The following BMERB1 variants were observed in gnomAD, a reference collection of about 807,000 sequenced individuals.
BMERB1 encodes the protein bMERB domain containing 1.
BMERB1 carries 12 observed loss-of-function variants against 23.6 expected under a neutral mutation model. That is an observed-to-expected ratio of 0.51 (90% CI 0.33 to 0.82). The LOEUF (loss-of-function observed/expected upper bound fraction) is 0.82, where lower values mean the gene tolerates loss of function less well. Ranked by LOEUF, BMERB1 falls within the 40% of genes least tolerant of loss-of-function variation. BMERB1 has a pLI of 0.03. For missense variants in BMERB1, 247 were observed against 255.4 expected, an observed-to-expected ratio of 0.97 and a Z score of 0.22; for synonymous variants, 122 against 96.6, an observed-to-expected ratio of 1.26 and a Z score of -1.54.
chr16:15,484,549 A>G (rs962448917), intron 1 of BMERB1, among the ~76,000 whole-genome samples: 3 of 151,898 alleles, frequency 2.0e-5, no homozygotes, highest in Non-Finnish European at 2.9e-5. Flanking sequence ...CTACAGGCAC[A>G]CACCGCCACA....
intron 2 of BMERB1, among the ~76,000 whole-genome samples, chr16:15,533,598 T>G (rs1235439324): frequency 1.3e-5 from 2 of 152,046 alleles, no homozygotes; most frequent in African/African-American, 2.4e-5. Context: ...TGGTCCAAAT[T>G]TGCTCAGTCT....
intron 1 of BMERB1, among the ~76,000 whole-genome samples, chr16:15,508,793 T>A: frequency 7.8e-6 from 1 of 127,480 alleles, no homozygotes; most frequent in Non-Finnish European, 1.5e-5. Context: ...GCCACTGCAA[T>A]CCAGCCTGGA....
intron 2 of BMERB1, among the ~76,000 whole-genome samples, chr16:15,527,132 C>T (rs1281630788): frequency 2.0e-5 from 3 of 151,872 alleles, no homozygotes; most frequent in African/African-American, 7.3e-5. Context: ...AGTTCTATGT[C>T]ATTAAGAACA....
intron 2 of BMERB1, among the ~76,000 whole-genome samples, chr16:15,528,862 T>A (rs532478026): frequency 6.6e-6 from 1 of 152,156 alleles, no homozygotes; most frequent in East Asian, 1.9e-4. Flanking sequence ...TTCGTGCCCA[T>A]GTAAAAGAGG....
chr16:15,466,459 A>C (rs533175917), intron 1 of BMERB1, among the ~76,000 whole-genome samples: 1 of 149,248 alleles, frequency 6.7e-6, no homozygotes, highest in East Asian at 2.0e-4. Context: ...TATTTTTTGT[A>C]TTTTGTTCCC....
In BMERB1 at chr16:15,548,015, C is replaced by G. The variant is rs78563172; in HGVS notation, c.231-19968C>G. On this transcript the variant is annotated intron_variant, in intron 2 of 5. Coordinates refer to ENST00000300006, the MANE Select transcript of BMERB1 (RefSeq NM_033201.3). ...GGGTGTAAAAGGTGCATGGTAAATT[C>G]TGTTTGTCGCCCGGGCTGGAGCGCA... Among the ~76,000 whole-genome samples, 1,146 of 152,100 alleles carry G rather than the reference C, an allele frequency of 7.5e-3. 6 individuals carry two copies. Among genetic ancestry groups the G allele is most frequent in the Non-Finnish European group, 0.013 (909 of 67,974 alleles).
At chr16:15,566,587 A>G (rs1204845570) in intron 2 of BMERB1, among the ~76,000 whole-genome samples, 3 of 152,148 alleles carry the variant, frequency 2.0e-5, no homozygotes, top group Non-Finnish European at 2.9e-5. Flanking sequence ...AATCACTTGA[A>G]CCTGGGAGGC....
intron 1 of BMERB1, among the ~76,000 whole-genome samples, chr16:15,442,748 A>G (rs1421844292): frequency 6.6e-6 from 1 of 152,184 alleles, no homozygotes; most frequent in East Asian, 1.9e-4. Flanking sequence ...TCAGGGGGTT[A>G]AGAAACTTGC....
At chr16:15,551,462 A>G (rs1815937484) in intron 2 of BMERB1, among the ~76,000 whole-genome samples, 1 of 152,222 alleles carries the variant, frequency 6.6e-6, no homozygotes, top group African/African-American at 2.4e-5. Flanking sequence ...CTATGGCTGC[A>G]GGAAGGAAGA....
chr16:15,497,767 GAA>G (rs1457430650), intron 1 of BMERB1, among the ~76,000 whole-genome samples: 1 of 152,172 alleles, frequency 6.6e-6, no homozygotes, highest in Non-Finnish European at 1.5e-5. Context: ...CTGCAGGGAG[GAA>G]AGCCCTAGGA....
At chr16:15,473,507 G>C (rs962806944) in intron 1 of BMERB1, among the ~76,000 whole-genome samples, 2 of 151,474 alleles carry the variant, frequency 1.3e-5, no homozygotes, top group South Asian at 2.1e-4. Context: ...TGGCCAGGCT[G>C]GTCTCGAATG....
intron 1 of BMERB1, among the ~76,000 whole-genome samples, chr16:15,508,828 CA>C (rs1181215065): frequency 0.012 from 651 of 56,054 alleles, 5 homozygotes; most frequent in South Asian, 0.03. Flanking sequence ...CCTGCCCCAC[CA>C]AAAAAAAAAA....
intron 3 of BMERB1, among the ~76,000 whole-genome samples, chr16:15,574,961 T>TCA (rs2030821201): frequency 1.3e-5 from 2 of 152,030 alleles, no homozygotes; most frequent in South Asian, 4.1e-4. Flanking sequence ...TGCCTGTACT[T>TCA]CCAGCTACTC....
chr16:15,453,204 A>G (rs904057808), intron 1 of BMERB1, among the ~76,000 whole-genome samples: 2 of 151,938 alleles, frequency 1.3e-5, no homozygotes, highest in African/African-American at 4.8e-5. Context: ...AAACCAAAAC[A>G]CCGTTGCTTT....
rs2031192548 is a variant in BMERB1, at chr16:15,587,872, T to G, written c.*1043T>G. 5.9e-6 allele frequency: 1 copy of G among 170,726 alleles called. No homozygotes were observed. The allele number at this position is 170,726 out of a possible 1,614,324, so 10.6% of individuals were successfully genotyped here. On this transcript the variant is annotated 3_prime_UTR_variant, in exon 6 of 6. Transcript: ENST00000300006. ...TGTGACTTCTCTGTATGTGTGTGTG[T>G]GTCGTGACCAGCCTAAGTAGTTAGC...
chr16:15,572,938 G>GC (rs1475549539), intron 3 of BMERB1, among the ~76,000 whole-genome samples: 4 of 152,134 alleles, frequency 2.6e-5, no homozygotes, highest in Non-Finnish European at 4.4e-5. Context: ...TTTCTGTGCT[G>GC]CCTGCTGCCA....
In BMERB1 at chr16:15,462,240, C is replaced by T. The variant is rs371114404; in HGVS notation, c.106+27481C>T. 4.3e-3 allele frequency among the ~76,000 whole-genome samples: 634 copies of T among 148,556 alleles called. 5 individuals carry two copies. The highest frequency in any genetic ancestry group is 0.015 in the African/African-American group (588 of 40,382). On this transcript the variant is annotated intron_variant, in intron 1 of 5. Transcript: ENST00000300006. The stretch of plus-strand genomic sequence containing the variant: ...CATCTTGGCTCACTGCAGCCTCCAC[C>T]TCCCAGGTTTACTAGATTCTCCAGC...
intron 2 of BMERB1, among the ~76,000 whole-genome samples, chr16:15,560,264 G>A (rs751106113): frequency 3.9e-5 from 6 of 152,224 alleles, no homozygotes; most frequent in Non-Finnish European, 7.3e-5. Flanking sequence ...CAGCCTTGGA[G>A]GTGGACAAAG....
intron 1 of BMERB1, among the ~76,000 whole-genome samples, chr16:15,453,592 G>A (rs1266953979): frequency 1.3e-5 from 2 of 151,010 alleles, no homozygotes; most frequent in South Asian, 2.1e-4. Flanking sequence ...AAAACTAACC[G>A]GCTGGGCGAG....
Sources: gnomAD v4.1 joint callset for allele counts (sites outside exome capture counted in the v4.1 genomes callset) on GRCh38, gnomAD v4.1.1 for gene constraint, MANE v1.5 for transcripts, NCBI Gene and HGNC (gene_info 2026-07-23, HGNC 2026-07-21) for gene names.